Variants in ETFA observed in about 807,000 individuals in gnomAD.
ETFA encodes the protein electron transfer flavoprotein subunit alpha, mitochondrial.
Under a neutral mutation model 46.2 loss-of-function variants are expected in ETFA, and 22 were observed. The ratio of observed to expected loss-of-function variants is 0.48; its 90% CI spans 0.34 to 0.68. The LOEUF (loss-of-function observed/expected upper bound fraction) is 0.68. ETFA is among the 30% of genes least tolerant of loss of function. The pLI, the probability that ETFA is intolerant of heterozygous loss-of-function variation, is 0.01. For synonymous variants in ETFA, 131 were observed against 139.9 expected (o/e 0.94, Z 0.45); for missense variants, 345 against 401.1 (o/e 0.86, Z 1.19).
At chr15:76,285,791 C>T in intron 6 of ETFA, 53 bp from the exon 7 acceptor site, 2 of 1,119,178 alleles carry the variant, frequency 1.8e-6, no homozygotes, top group Admixed American at 1.7e-5. Context: ...AGTTCTATAA[C>T]AAGAATTATT....
rs1157687784 is a variant in ETFA, at chr15:76,295,936, C to CTTTTTTTTTTTTTTTTTTTTTT, written c.40-221_40-200dup. On this transcript the variant is annotated intron_variant, in intron 1 of 11. Coordinates refer to ENST00000557943, the MANE Select transcript of ETFA (RefSeq NM_000126.4). ...TGTCTATCACTGTACCACTAATATTCTTTTTTTTTTTTTTTTTTTTTTTGA... is the reference window on the plus strand; with the variant it reads ...TGTCTATCACTGTACCACTAATATTCTTTTTTTTTTTTTTTTTTTTTTTTTTTTTTTTTTTTTTTTTTTTTGA... Among the ~76,000 whole-genome samples the CTTTTTTTTTTTTTTTTTTTTTT allele has an allele frequency of 7.4e-3, 343 of 46,594 alleles. 105 individuals are homozygous for CTTTTTTTTTTTTTTTTTTTTTT. Among genetic ancestry groups the CTTTTTTTTTTTTTTTTTTTTTT allele is most frequent in the Non-Finnish European group, 0.01 (242 of 23,544 alleles). 30.6% of individuals were successfully genotyped at this position (46,594 alleles called of 152,430 possible). A position where few individuals can be genotyped will look rare whatever the true frequency, so the allele number is the denominator to read the frequency against.
Position 76,292,465 on chromosome 15 carries a change from G to C in ETFA, c.317C>G (p.Thr106Arg). 6.2e-7 allele frequency: 1 copy of C among 1,613,770 alleles called. No homozygotes were observed. Among genetic ancestry groups the C allele is most frequent in the South Asian group, 1.1e-5 (1 of 91,070 alleles). The stretch of plus-strand genomic sequence containing the variant: ...GGCAGATGCTCCAGCACAGATGTGT[G>C]TGTAATTGAACTGCTTCTGAGTTGC... Reference protein sequence around the residue: ...ILATQKQFNYTHICAGASAFG... With the variant: ...ILATQKQFNYRHICAGASAFG... Residue 106 changes from threonine to arginine, a missense_variant, in exon 4 of 12, where the codon ACA (threonine) becomes AGA (arginine). Coordinates refer to ENST00000557943, the MANE Select transcript of ETFA (RefSeq NM_000126.4).
chr15:76,260,543 C>G (rs1172899104), intron 9 of ETFA: 21 of 1,478,822 alleles, frequency 1.4e-5, no homozygotes, highest in South Asian at 2.3e-5. Flanking sequence ...CGATCAGGCC[C>G]TTTTGGGGAT....
intron 4 of ETFA, among the ~76,000 whole-genome samples, chr15:76,289,394 A>G (rs905532434): frequency 6.6e-6 from 1 of 152,210 alleles, no homozygotes; most frequent in Non-Finnish European, 1.5e-5. Flanking sequence ...TTTATGTTAT[A>G]CAGACTTTGC....
chr15:76,224,861 C>T (rs2038989334), intron 11 of ETFA, among the ~76,000 whole-genome samples: 1 of 152,154 alleles, frequency 6.6e-6, no homozygotes, highest in South Asian at 2.1e-4. Flanking sequence ...GAGTCATGAC[C>T]TTTAAATGTA....
At position 76,274,909 on chromosome 15, in the gene ETFA, C is replaced by T. The variant is rs372389621; in HGVS notation, c.734-415G>A. Among the ~76,000 whole-genome samples the T allele has an allele frequency of 1.1e-3, 165 of 152,278 alleles. 1 individual carries two copies. The highest frequency in any genetic ancestry group is 3.9e-3 in the African/African-American group (162 of 41,562). Reference sequence around the variant, plus strand: ...AAATTCACAAATAAAATTTAACAGACTTTCTATTCTCATTCAACAGGAGTC... The same window carrying T: ...AAATTCACAAATAAAATTTAACAGATTTTCTATTCTCATTCAACAGGAGTC... On this transcript the variant is annotated intron_variant, in intron 8 of 11. Coordinates refer to ENST00000557943, the MANE Select transcript of ETFA (RefSeq NM_000126.4).
chr15:76,256,205 C>A (rs2039344069), intron 9 of ETFA, among the ~76,000 whole-genome samples: 1 of 147,340 alleles, frequency 6.8e-6, no homozygotes, highest in African/African-American at 2.6e-5. Context: ...TTGCAGTGAG[C>A]CAAGATGGTG....
intron 1 of ETFA, among the ~76,000 whole-genome samples, chr15:76,309,400 G>A (rs2039968117): frequency 2.0e-5 from 3 of 152,196 alleles, no homozygotes; most frequent in Non-Finnish European, 4.4e-5. Context: ...GCAGTGAGCT[G>A]AGATCGCGCC....
intron 9 of ETFA, chr15:76,260,530 G>A (rs1009941477): frequency 4.6e-5 from 67 of 1,466,394 alleles, no homozygotes; most frequent in Middle Eastern, 2.4e-4. Flanking sequence ...ACACACACAC[G>A]TACGATCAGG....
At chr15:76,303,787 C>A (rs1224850197) in intron 1 of ETFA, among the ~76,000 whole-genome samples, 1 of 152,150 alleles carries the variant, frequency 6.6e-6, no homozygotes, top group Non-Finnish European at 1.5e-5. Flanking sequence ...ATTTAAAACT[C>A]AAAAAACAAC....
intron 1 of ETFA, among the ~76,000 whole-genome samples, chr15:76,304,824 C>T (rs1403978212): frequency 6.6e-6 from 1 of 152,098 alleles, no homozygotes; most frequent in East Asian, 1.9e-4. Context: ...GCGGGCAGAT[C>T]ACAAGGTCAG....
At chr15:76,235,231 T>G (rs1345660537) in intron 9 of ETFA, among the ~76,000 whole-genome samples, 1 of 152,186 alleles carries the variant, frequency 6.6e-6, no homozygotes, top group African/African-American at 2.4e-5. Context: ...ACTCACGGGT[T>G]GAGGTTTATT....
intron 9 of ETFA, among the ~76,000 whole-genome samples, chr15:76,234,562 G>C (rs894305449): frequency 2.0e-5 from 3 of 152,130 alleles, no homozygotes; most frequent in Non-Finnish European, 4.4e-5. Flanking sequence ...TATACAAGGC[G>C]TGGTGGGGGA....
chr15:76,274,850 T>A (rs1179240134), intron 8 of ETFA, among the ~76,000 whole-genome samples: 7 of 152,162 alleles, frequency 4.6e-5, no homozygotes, highest in Admixed American at 4.6e-4. Flanking sequence ...GAGTTTCATA[T>A]AACAAGATGA....
In ETFA at chr15:76,310,369, GAAAAAAAAAAA is replaced by G. The variant is rs34111559; in HGVS notation, c.39+970_39+980del. 4.8e-5 allele frequency among the ~76,000 whole-genome samples: 5 copies of G among 104,448 alleles called. 1 individual carries two copies. Among genetic ancestry groups the G allele is most frequent in the South Asian group, 3.1e-4 (1 of 3,266 alleles). 68.5% of individuals were successfully genotyped at this position (104,448 alleles called of 152,430 possible). A position where few individuals can be genotyped will look rare whatever the true frequency, so the allele number is the denominator to read the frequency against. Reference sequence around the variant, plus strand: ...GTGGATGGGAAAATATCCATGCCCAGAAAAAAAAAAAAAAAAAAAAAAAGGAGAAAAGGTAC... The same window carrying G: ...GTGGATGGGAAAATATCCATGCCCAGAAAAAAAAAAAAGGAGAAAAGGTAC... On this transcript the variant is annotated intron_variant, in intron 1 of 11. Coordinates refer to ENST00000557943, the MANE Select transcript of ETFA (RefSeq NM_000126.4).
At position 76,292,464 on chromosome 15, in the gene ETFA, T is replaced by C. The variant is rs1409139137; in HGVS notation, c.318A>G (p.Thr106=). The change falls in exon 4 of 12, where the codon ACA becomes ACG. Residue 106 remains threonine, a synonymous_variant. Coordinates refer to ENST00000557943, the MANE Select transcript of ETFA (RefSeq NM_000126.4). The stretch of plus-strand genomic sequence containing the variant: ...AGGCAGATGCTCCAGCACAGATGTG[T>C]GTGTAATTGAACTGCTTCTGAGTTG... ...ILATQKQFNY[T]HICAGASAFG... The C allele has an allele frequency of 2.5e-6, 4 of 1,613,914 alleles. No individual in the cohort carries two copies. The South Asian group carries it at 4.4e-5, about 18-fold the overall frequency.
chr15:76,252,472 T>A (rs2039307799), intron 9 of ETFA, among the ~76,000 whole-genome samples: 1 of 152,190 alleles, frequency 6.6e-6, no homozygotes, highest in Non-Finnish European at 1.5e-5. Context: ...AAAGCAGACT[T>A]TGGCTGCCAT....
chr15:76,289,124 G>A (rs904823081), intron 4 of ETFA, among the ~76,000 whole-genome samples: 22 of 151,870 alleles, frequency 1.4e-4, no homozygotes, highest in African/African-American at 5.3e-4. Context: ...TGTAGAAGCG[G>A]GGTCTTGCGT....
chr15:76,221,647 T>C (rs2038957272), intron 11 of ETFA, among the ~76,000 whole-genome samples: 1 of 152,180 alleles, frequency 6.6e-6, no homozygotes. Context: ...TTAGGTACAG[T>C]ATAATCTCAT....
Sources: allele counts gnomAD v4.1 joint callset (sites outside exome capture counted in the v4.1 genomes callset), GRCh38; gene constraint gnomAD v4.1.1; transcripts MANE v1.5; gene names NCBI Gene and HGNC (gene_info 2026-07-23, HGNC 2026-07-21).